Variants in CMTM4 observed in about 807,000 individuals in gnomAD.
CMTM4 encodes the protein CKLF like MARVEL transmembrane domain containing 4.
In CMTM4, 8 loss-of-function variants were observed where a neutral mutation model predicts 19.0. The ratio of observed to expected loss-of-function variants is 0.42; its 90% confidence interval spans 0.25 to 0.76. CMTM4 has a LOEUF of 0.76. CMTM4 is among the 30% of genes least tolerant of loss of function. The pLI, the probability that CMTM4 is intolerant of heterozygous loss-of-function variation, is 0.27. For synonymous variants in CMTM4, 106 were observed against 121.1 expected (o/e 0.88, Z 0.82); for missense variants, 228 against 290.2 (o/e 0.79, Z 1.56).
chr16:66,640,101 A>G (rs1408179531), intron 1 of CMTM4, among the ~76,000 whole-genome samples: 1 of 151,990 alleles, frequency 6.6e-6, no homozygotes, highest in African/African-American at 2.4e-5. Context: ...AGGCGGGTGG[A>G]TCACATGAGG....
chr16:66,612,707 G>A (rs1484802387), downstream of CMTM4: 7 of 1,500,638 alleles, frequency 4.7e-6, no homozygotes, highest in Non-Finnish European at 5.5e-6. The surrounding 1 kb of genome is among the most constrained non-coding windows in gnomAD (Gnocchi z 6.0). Flanking sequence ...GGGGTCGCTG[G>A]CGTTGGAGCG....
At chr16:66,679,642 G>A (rs982385525) in intron 1 of CMTM4, among the ~76,000 whole-genome samples, 3 of 151,874 alleles carry the variant, frequency 2.0e-5, no homozygotes, top group Non-Finnish European at 2.9e-5. Flanking sequence ...TGGCCAACAT[G>A]GTGAAACCCT....
chr16:66,609,265 G>C, the CMTM4 span: 3 of 613,078 alleles, frequency 4.9e-6, no homozygotes, highest in Non-Finnish European at 8.6e-6. This position sits in a 1 kb window ranked among gnomAD's most constrained non-coding sequence, Gnocchi z 4.4. Flanking sequence ...CAAGGCAGCA[G>C]AGGCACCTCG....
chr16:66,680,773 CA>C (rs35127974), intron 1 of CMTM4, among the ~76,000 whole-genome samples: 1,393 of 32,272 alleles, frequency 0.043, 2 homozygotes, highest in African/African-American at 0.089. Flanking sequence ...GACTCCGTCT[CA>C]AAAAAAAAAA....
At chr16:66,692,677 G>GGGCA (rs2017157206) in intron 1 of CMTM4, among the ~76,000 whole-genome samples, 1 of 152,136 alleles carries the variant, frequency 6.6e-6, no homozygotes, top group Admixed American at 6.5e-5. Context: ...AGACCAAGAT[G>GGGCA]GGCAGATCAC....
rs184654432 is a variant in CMTM4 at position 66,658,793 on chromosome 16, G to A, written c.187-22212C>T. Among the ~76,000 whole-genome samples, 141 of 152,152 alleles carry A rather than the reference G, an allele frequency of 9.3e-4. No homozygotes were observed. The Middle Eastern group carries it at 0.014, about 15-fold the overall frequency. Reference sequence around the variant, plus strand: ...AGATACTGTCAAATATCCCTGGGGGGCAAAATCTCCTCCCACAGGGAGGAA... The same window carrying A: ...AGATACTGTCAAATATCCCTGGGGGACAAAATCTCCTCCCACAGGGAGGAA... On this transcript the variant is annotated intron_variant, in intron 1 of 3. Transcript: ENST00000394106.
Position 66,696,402 on chromosome 16 carries a change from C to T in CMTM4, c.124G>A (p.Gly42Ser). Reference sequence around the variant, plus strand: ...AGGTAGTCGGGGTCGCAGCGCAGGCCGGCCAGCCCGCGGCGCTGGCTCACC... The same window carrying T: ...AGGTAGTCGGGGTCGCAGCGCAGGCTGGCCAGCCCGCGGCGCTGGCTCACC... ...EPVSQRRGLA[G>S]LRCDPDYLRG... The change falls in exon 1 of 4, where the codon GGC (glycine) becomes AGC (serine). Residue 42 changes from glycine to serine, a missense_variant. Coordinates refer to ENST00000394106, the MANE Select transcript of CMTM4 (RefSeq NM_181521.3). The surrounding 1 kb of genome is among the most constrained non-coding windows in gnomAD (Gnocchi z 4.3). The T allele has an allele frequency of 7.1e-7, 1 of 1,411,540 alleles. No homozygotes were observed. Among genetic ancestry groups the T allele is most frequent in the Non-Finnish European group, 9.2e-7 (1 of 1,084,146 alleles). 87.4% of individuals were successfully genotyped at this position (1,411,540 alleles called of 1,614,324 possible).
chr16:66,619,492 G>C lies in CMTM4; in HGVS notation c.*2566C>G, dbSNP rs571344581. ...AAATGCCCCAAACCAAACTGATATTGGTCCCTATTGAAACTATTAAACGCA... is the reference window on the plus strand; with the variant it reads ...AAATGCCCCAAACCAAACTGATATTCGTCCCTATTGAAACTATTAAACGCA... On this transcript the variant is annotated 3_prime_UTR_variant, in exon 4 of 4. Transcript: ENST00000394106. The C allele has an allele frequency of 6.3e-5, 62 of 985,340 alleles. No individual in the cohort carries two copies. The African/African-American group carries it at 7.8e-4, about 12-fold the overall frequency. 61.0% of individuals were successfully genotyped at this position (985,340 alleles called of 1,614,324 possible).
the CMTM4 span, chr16:66,609,590 G>T: frequency 6.5e-7 from 1 of 1,533,898 alleles, no homozygotes; most frequent in South Asian, 1.2e-5. The surrounding 1 kb of genome is among the most constrained non-coding windows in gnomAD (Gnocchi z 4.4). Flanking sequence ...CTCATTTAGG[G>T]TGGGACCTGG....
intron 1 of CMTM4, among the ~76,000 whole-genome samples, chr16:66,694,184 T>C (rs2017189329): frequency 6.6e-6 from 1 of 152,190 alleles, no homozygotes; most frequent in African/African-American, 2.4e-5. Context: ...CTTCCATCCC[T>C]GGACTTAGGT....
chr16:66,617,093 T>G lies in CMTM4; in HGVS notation c.*4965A>C, dbSNP rs528765934. 56 of 533,152 alleles carry G rather than the reference T, an allele frequency of 1.1e-4. No homozygotes were observed. In the East Asian group the frequency reaches 1.7e-3, roughly 16 times the overall value. The allele number at this position is 533,152 out of a possible 1,614,324, so 33.0% of individuals were successfully genotyped here. A position where few individuals can be genotyped will look rare whatever the true frequency, so the allele number is the denominator to read the frequency against. ...AACTTTAAAAGTTTCAATAGCTCCC[T>G]GGGGGTCCAAGCCAAAGGCTCCCTG... On this transcript the variant is annotated 3_prime_UTR_variant, in exon 4 of 4. Coordinates refer to ENST00000394106, the MANE Select transcript of CMTM4 (RefSeq NM_181521.3).
chr16:66,609,805 T>C, downstream of CMTM4: 1 of 1,613,958 alleles, frequency 6.2e-7, no homozygotes. The surrounding 1 kb of genome is among the most constrained non-coding windows in gnomAD (Gnocchi z 4.4). Flanking sequence ...AGATCTGAAA[T>C]GGGCCGTGAG....
chr16:66,689,362 T>C (rs118173521), intron 1 of CMTM4, among the ~76,000 whole-genome samples: 2 of 152,214 alleles, frequency 1.3e-5, no homozygotes, highest in African/African-American at 2.4e-5. Context: ...GTACTGAATT[T>C]TGTCAAAAGT....
intron 2 of CMTM4, among the ~76,000 whole-genome samples, chr16:66,631,761 C>A (rs1322918422): frequency 6.6e-6 from 1 of 152,064 alleles, no homozygotes; most frequent in Non-Finnish European, 1.5e-5. Flanking sequence ...TCACCACTCC[C>A]TAATCTCAAG....
At chr16:66,642,648 A>G (rs113877253) in intron 1 of CMTM4, among the ~76,000 whole-genome samples, 6,594 of 152,206 alleles carry the variant, frequency 0.043, 270 homozygotes, top group East Asian at 0.16. Flanking sequence ...CCCTGGAGGT[A>G]GAGTTTGCAA....
Position 66,696,520 on chromosome 16 carries a change from C to T in CMTM4, c.6G>A (p.Arg2=). The change falls in exon 1 of 4, where the codon CGG becomes CGA. Residue 2 remains arginine, a synonymous_variant. Coordinates refer to ENST00000394106, the MANE Select transcript of CMTM4 (RefSeq NM_181521.3). This position sits in a 1 kb window ranked among gnomAD's most constrained non-coding sequence, Gnocchi z 4.3. The part of the protein sequence containing the change: M[R]SGEELDGFEG... ...CGAAGCCGTCCAGCTCCTCGCCGCT[C>T]CGCATGCTGCCGCCCGGCCCGGGCC... The T allele has an allele frequency of 8.3e-7, 1 of 1,199,660 alleles. No homozygotes were observed. The highest frequency in any genetic ancestry group is 1.0e-6 in the Non-Finnish European group (1 of 966,894). The allele number at this position is 1,199,660 out of a possible 1,614,324, so 74.3% of individuals were successfully genotyped here.
intron 1 of CMTM4, among the ~76,000 whole-genome samples, chr16:66,686,325 G>A (rs1165587827): frequency 6.6e-6 from 1 of 151,274 alleles, no homozygotes; most frequent in Non-Finnish European, 1.5e-5. Context: ...ACTTTGGGAG[G>A]CCAAGATGAG....
chr16:66,606,339 A>G, the CMTM4 span, among the ~76,000 whole-genome samples: 2 of 152,150 alleles, frequency 1.3e-5, no homozygotes, highest in Non-Finnish European at 2.9e-5. Flanking sequence ...TTTGGGGTGC[A>G]GGCATAGGAG....
At chr16:66,627,485 G>GTA (rs1394866568) in intron 2 of CMTM4, among the ~76,000 whole-genome samples, 5 of 152,170 alleles carry the variant, frequency 3.3e-5, no homozygotes, top group Admixed American at 3.3e-4. Context: ...CCCAATTAAA[G>GTA]TATATAATTC....
Sources: allele counts gnomAD v4.1 joint callset (sites outside exome capture counted in the v4.1 genomes callset), GRCh38; gene constraint gnomAD v4.1.1; non-coding constraint Gnocchi (gnomAD v3.1); transcripts MANE v1.5; gene names NCBI Gene and HGNC (gene_info 2026-07-23, HGNC 2026-07-21).